The following SAMD4A variants were observed in gnomAD, a reference collection of about 807,000 sequenced individuals.
SAMD4A encodes sterile alpha motif domain containing 4A.
SAMD4A carries 33 observed loss-of-function variants against 81.3 expected under a neutral mutation model. That is an observed-to-expected ratio of 0.41 (90% CI 0.31 to 0.54). The LOEUF is 0.54. SAMD4A is among the 20% of genes least tolerant of loss of function. SAMD4A has a pLI of 0.37. For synonymous variants in SAMD4A, 389 were observed against 382.1 expected (o/e 1.02, Z -0.21); for missense variants, 854 against 951.1 (o/e 0.90, Z 1.34).
chr14:54,771,496 G>A (rs1206582337), intron 9 of SAMD4A, among the ~76,000 whole-genome samples: 1 of 152,136 alleles, frequency 6.6e-6, no homozygotes, highest in Non-Finnish European at 1.5e-5. Flanking sequence ...CAGGCAAAGC[G>A]ACACTCTTCA....
chr14:54,643,432 A>C (rs962744920), intron 2 of SAMD4A, among the ~76,000 whole-genome samples: 1 of 152,156 alleles, frequency 6.6e-6, no homozygotes, highest in African/African-American at 2.4e-5. Context: ...TTGTCACTAA[A>C]CCAGACATTG....
rs919158346 is a variant in SAMD4A, at chr14:54,568,679, G to A, written c.196+567G>A. On this transcript the variant is annotated intron_variant, in intron 2 of 12. Transcript: ENST00000554335. ...AGGTGACGCTAGAGACTAGTAAAAT[G>A]ACATTTGCAGCATATATATATATAT... Among the ~76,000 whole-genome samples the A allele has an allele frequency of 5.3e-5, 6 of 113,290 alleles. No individual in the cohort carries two copies. The Admixed American group carries it at 6.6e-4, about 13-fold the overall frequency. The allele number at this position is 113,290 out of a possible 152,430, so 74.3% of individuals were successfully genotyped here.
chr14:54,691,048 C>T (rs772754889), intron 2 of SAMD4A, among the ~76,000 whole-genome samples: 1 of 152,164 alleles, frequency 6.6e-6, no homozygotes, highest in Non-Finnish European at 1.5e-5. Context: ...AGGGTGCTTA[C>T]AACACAGCCC....
chr14:54,575,136 C>G (rs2033250374), intron 2 of SAMD4A, among the ~76,000 whole-genome samples: 1 of 152,148 alleles, frequency 6.6e-6, no homozygotes, highest in Non-Finnish European at 1.5e-5. Context: ...CAACCCCCTA[C>G]TCCCCAAACC....
intron 2 of SAMD4A, among the ~76,000 whole-genome samples, chr14:54,684,450 G>T (rs989079941): frequency 2.6e-5 from 4 of 152,228 alleles, no homozygotes; most frequent in Admixed American, 1.3e-4. Flanking sequence ...GCCCATTGTG[G>T]TGCCCAACAG....
At chr14:54,581,114 G>A (rs1478043469) in intron 2 of SAMD4A, among the ~76,000 whole-genome samples, 2 of 152,204 alleles carry the variant, frequency 1.3e-5, no homozygotes, top group African/African-American at 4.8e-5. Flanking sequence ...AATTATTTAA[G>A]CTCTCTGAGC....
intron 2 of SAMD4A, among the ~76,000 whole-genome samples, chr14:54,653,942 C>A (rs1175447054): frequency 6.6e-6 from 1 of 152,220 alleles, no homozygotes; most frequent in Non-Finnish European, 1.5e-5. Context: ...TTTCTTCCAA[C>A]CACCATTTGC....
chr14:54,743,258 C>T (rs2037888591), intron 4 of SAMD4A, among the ~76,000 whole-genome samples: 2 of 152,268 alleles, frequency 1.3e-5, no homozygotes, highest in Middle Eastern at 3.4e-3. Flanking sequence ...GCTGCCTGCT[C>T]GAATTCACTT....
At chr14:54,673,464 C>T (rs2035927570) in intron 2 of SAMD4A, among the ~76,000 whole-genome samples, 1 of 152,240 alleles carries the variant, frequency 6.6e-6, no homozygotes, top group Non-Finnish European at 1.5e-5. Context: ...ACCTTGTACT[C>T]AACCATGGGT....
rs2032995723 is a variant in SAMD4A at position 54,568,125 on chromosome 14, C to A, written c.196+13C>A. On this transcript the variant is annotated intron_variant, in intron 2 of 12. Coordinates refer to ENST00000554335, the MANE Select transcript of SAMD4A (RefSeq NM_015589.6). ...GCCAACAGCCCCGGTAAGTGTGCGG[C>A]GGCCGCCGCCGCCGTCCCGCCTGCC... The A allele has an allele frequency of 6.8e-6, 10 of 1,463,910 alleles. No homozygotes were observed. Among genetic ancestry groups the A allele is most frequent in the Non-Finnish European group, 9.0e-6 (10 of 1,114,520 alleles). The allele number at this position is 1,463,910 out of a possible 1,614,324, so 90.7% of individuals were successfully genotyped here.
chr14:54,624,474 C>T (rs1248311263), intron 2 of SAMD4A, among the ~76,000 whole-genome samples: 5 of 152,188 alleles, frequency 3.3e-5, no homozygotes, highest in Non-Finnish European at 4.4e-5. Flanking sequence ...TAAGAACTTT[C>T]GAAGACTACC....
Position 54,567,915 on chromosome 14 carries a change from C to G in SAMD4A, c.-2C>G, listed in dbSNP as rs562518086. 7 of 1,606,328 alleles carry G rather than the reference C, an allele frequency of 4.4e-6. No homozygotes were observed. Among genetic ancestry groups the G allele is most frequent in the Admixed American group, 1.7e-5 (1 of 59,752 alleles). ...CTGTAGACCGAGGGCGGCCCCCTAA[C>G]CATGATGTTTCGCGACCAGGTCGGG... is the stretch of plus-strand genomic sequence containing the variant. On this transcript the variant is annotated 5_prime_UTR_variant, in exon 2 of 13. Coordinates refer to ENST00000554335, the MANE Select transcript of SAMD4A (RefSeq NM_015589.6).
At chr14:54,663,490 G>A (rs572634311) in intron 2 of SAMD4A, among the ~76,000 whole-genome samples, 6 of 152,174 alleles carry the variant, frequency 3.9e-5, no homozygotes, top group African/African-American at 1.4e-4. Flanking sequence ...CATGAGTTCC[G>A]TCAGGTAAGT....
chr14:54,718,396 G>A (rs1268132076), intron 3 of SAMD4A, among the ~76,000 whole-genome samples: 1 of 152,214 alleles, frequency 6.6e-6, no homozygotes, highest in African/African-American at 2.4e-5. Context: ...TCCTTAACCA[G>A]GGCTTTGTGT....
At chr14:54,581,661 G>T (rs560702907) in intron 2 of SAMD4A, among the ~76,000 whole-genome samples, 2 of 152,336 alleles carry the variant, frequency 1.3e-5, no homozygotes, top group East Asian at 3.9e-4. Flanking sequence ...TGCCTGTAAA[G>T]ATTCCAGTAT....
intron 2 of SAMD4A, among the ~76,000 whole-genome samples, chr14:54,572,050 T>G (rs2033144484): frequency 6.6e-6 from 1 of 152,252 alleles, no homozygotes; most frequent in Non-Finnish European, 1.5e-5. Flanking sequence ...TTCATTCATT[T>G]ATTCATTCCA....
chr14:54,626,169 T>C (rs1271934793), intron 2 of SAMD4A, among the ~76,000 whole-genome samples: 4 of 152,130 alleles, frequency 2.6e-5, no homozygotes, highest in African/African-American at 9.7e-5. Context: ...ATAGTGGCTC[T>C]AGTTTAATTA....
At chr14:54,687,595 G>A (rs2036308587) in intron 2 of SAMD4A, among the ~76,000 whole-genome samples, 1 of 152,150 alleles carries the variant, frequency 6.6e-6, no homozygotes, top group African/African-American at 2.4e-5. Context: ...TGTGATCGAG[G>A]TTAGGAATAG....
At chr14:54,616,512 A>T (rs1403837332) in intron 2 of SAMD4A, among the ~76,000 whole-genome samples, 5 of 152,328 alleles carry the variant, frequency 3.3e-5, no homozygotes, top group Non-Finnish European at 4.4e-5. Context: ...TCTTTAAAGC[A>T]TGGGAACGTG....
Sources: gnomAD v4.1 joint callset for allele counts (sites outside exome capture counted in the v4.1 genomes callset) on GRCh38, gnomAD v4.1.1 for gene constraint, MANE v1.5 for transcripts, NCBI Gene and HGNC (gene_info 2026-07-23, HGNC 2026-07-21) for gene names.